The following CELF2 variants were observed in gnomAD, a reference collection of about 807,000 sequenced individuals.
CELF2 encodes the protein CUGBP Elav-like family member 2, also known as CUG triplet repeat RNA-binding protein 2.
Under a neutral mutation model 62.6 loss-of-function variants are expected in CELF2, and 8 were observed. The observed-to-expected ratio is 0.13, with a 90% CI of 0.07 to 0.23. The LOEUF (loss-of-function observed/expected upper bound fraction) is 0.23. Among genes scored for constraint, CELF2 ranks in the 10% least tolerant of loss-of-function variants. The pLI is 1.00. For missense variants in CELF2, 333 were observed against 671.0 expected (o/e 0.50, Z 5.56); for synonymous variants, 258 against 250.0 (o/e 1.03, Z -0.30).
Position 11,321,533 on chromosome 10 carries a change from A to C in CELF2, c.1294+147A>C. ...TTATTCATGTTTAAAAAAAAAAAAA[A>C]CTGAAAGCTGGGCATGGTGGCATAC... On this transcript the variant is annotated intron_variant, in intron 11 of 12. Coordinates refer to ENST00000633077, the MANE Select transcript of CELF2 (RefSeq NM_001326342.2). The surrounding 1 kb of genome is among the most constrained non-coding windows in gnomAD (Gnocchi z 6.2). The C allele has an allele frequency of 1.6e-6, 1 of 618,850 alleles. No homozygotes were observed. Among genetic ancestry groups the C allele is most frequent in the Non-Finnish European group, 2.7e-6 (1 of 368,922 alleles). The allele number at this position is 618,850 out of a possible 1,614,324, so 38.3% of individuals were successfully genotyped here.
intron 2 of CELF2, among the ~76,000 whole-genome samples, chr10:10,985,578 T>C (rs1488399395): frequency 6.6e-6 from 1 of 152,222 alleles, no homozygotes; most frequent in Non-Finnish European, 1.5e-5. Flanking sequence ...AGTTTCCTTT[T>C]GTTGAAGATT....
chr10:10,812,281 A>G (rs1469282592), intron 1 of CELF2, among the ~76,000 whole-genome samples: 2 of 152,184 alleles, frequency 1.3e-5, no homozygotes, highest in Admixed American at 6.5e-5. Context: ...AAACCATCAG[A>G]TCTTGTGAGA....
At position 11,046,558 on chromosome 10, in the gene CELF2, T is replaced by G. The variant is rs2062882560; in HGVS notation, c.74+28395T>G. 6.6e-6 allele frequency among the ~76,000 whole-genome samples: 1 copy of G among 152,218 alleles called. No homozygotes were observed. The highest frequency in any genetic ancestry group is 1.5e-5 in the Non-Finnish European group (1 of 68,026). On this transcript the variant is annotated intron_variant, in intron 1 of 12. Transcript: ENST00000633077. This position sits in a 1 kb window ranked among gnomAD's most constrained non-coding sequence, Gnocchi z 4.6. ...TTATGTCTTGGGCATGTGGGCTCAGTGCTAATTTTCATGGCTTCTGTGGTC... is the reference window on the plus strand; with the variant it reads ...TTATGTCTTGGGCATGTGGGCTCAGGGCTAATTTTCATGGCTTCTGTGGTC...
At chr10:10,856,483 T>G (rs2059716940) in intron 1 of CELF2, among the ~76,000 whole-genome samples, 1 of 152,214 alleles carries the variant, frequency 6.6e-6, no homozygotes. Context: ...GCATTTTGGC[T>G]AAAGGTAAGG....
At chr10:11,018,487 A>G (rs2057705714) in intron 1 of CELF2, among the ~76,000 whole-genome samples, 1 of 145,028 alleles carries the variant, frequency 6.9e-6, no homozygotes, top group African/African-American at 2.6e-5. Flanking sequence ...TGAGTGGGGG[A>G]CGGGCGGGGT....
chr10:10,801,792 C>G (rs1201684747), intron 1 of CELF2, among the ~76,000 whole-genome samples: 1 of 152,204 alleles, frequency 6.6e-6, no homozygotes, highest in Non-Finnish European at 1.5e-5. Flanking sequence ...AAAAAGTCAT[C>G]AAAAGGCACA....
chr10:10,658,054 A>G, the CELF2 span, among the ~76,000 whole-genome samples: 1 of 152,236 alleles, frequency 6.6e-6, no homozygotes, highest in Admixed American at 6.5e-5. Context: ...AGTAGCAAAC[A>G]TAATTCCACA....
At chr10:10,633,251 G>C in the CELF2 span, among the ~76,000 whole-genome samples, 6 of 152,228 alleles carry the variant, frequency 3.9e-5, no homozygotes, top group East Asian at 1.2e-3. Context: ...TTTAAACATG[G>C]ACATTGCCAG....
chr10:10,470,803 A>G, the CELF2 span, among the ~76,000 whole-genome samples: 1 of 150,900 alleles, frequency 6.6e-6, no homozygotes, highest in East Asian at 1.9e-4. Context: ...CTAGTATTGC[A>G]TATTTAAAGA....
the CELF2 span, among the ~76,000 whole-genome samples, chr10:10,723,500 T>C: frequency 6.6e-6 from 1 of 152,252 alleles, no homozygotes; most frequent in South Asian, 2.1e-4. Flanking sequence ...TGAGAGGTTC[T>C]TCCAGAAATT....
At chr10:10,792,967 G>T in the CELF2 span, among the ~76,000 whole-genome samples, 1 of 152,118 alleles carries the variant, frequency 6.6e-6, no homozygotes, top group African/African-American at 2.4e-5. Flanking sequence ...TTACCCTCCT[G>T]TTCAGCTGAC....
At chr10:11,095,297 A>T (rs2049497138) in intron 1 of CELF2, among the ~76,000 whole-genome samples, 1 of 152,204 alleles carries the variant, frequency 6.6e-6, no homozygotes. Context: ...CTTCATTAGA[A>T]TGAGCATCCT....
intron 1 of CELF2, among the ~76,000 whole-genome samples, chr10:11,099,885 A>AAC (rs1491315967): frequency 0.018 from 1,504 of 83,468 alleles, 13 homozygotes; most frequent in African/African-American, 0.095. Context: ...CAACAACAAC[A>AAC]AAAAAAAAAA....
At chr10:10,471,515 T>G in the CELF2 span, among the ~76,000 whole-genome samples, 1 of 151,736 alleles carries the variant, frequency 6.6e-6, no homozygotes, top group African/African-American at 2.4e-5. Flanking sequence ...TAGAATATTG[T>G]AGATTACAAT....
chr10:11,141,761 G>A (rs1010825053), intron 1 of CELF2, among the ~76,000 whole-genome samples: 20 of 152,180 alleles, frequency 1.3e-4, no homozygotes, highest in African/African-American at 4.8e-4. Flanking sequence ...TGTTAGACCT[G>A]GTTCCTGCCC....
the CELF2 span, among the ~76,000 whole-genome samples, chr10:10,557,668 A>G: frequency 6.6e-6 from 1 of 151,806 alleles, no homozygotes; most frequent in African/African-American, 2.4e-5. Flanking sequence ...GCCCATGAGC[A>G]TGGAATGTTC....
In CELF2 at chr10:11,017,928, G is replaced by T. The variant is rs1316402467; in HGVS notation, c.-162G>T. On this transcript the variant is annotated 5_prime_UTR_variant, in exon 1 of 13. Coordinates refer to ENST00000633077, the MANE Select transcript of CELF2 (RefSeq NM_001326342.2). This position sits in a 1 kb window ranked among gnomAD's most constrained non-coding sequence, Gnocchi z 5.5. ...CCGGCCGCCCCGGCGCTGGATTTCG[G>T]AGGGGATTGGCGGAGCGCGAGGAGA... 27 of 983,496 alleles carry T rather than the reference G, an allele frequency of 2.7e-5. No homozygotes were observed. Among genetic ancestry groups the T allele is most frequent in the Non-Finnish European group, 2.9e-5 (24 of 830,172 alleles). 60.9% of individuals were successfully genotyped at this position (983,496 alleles called of 1,614,324 possible).
the CELF2 span, among the ~76,000 whole-genome samples, chr10:10,664,461 G>C: frequency 6.6e-6 from 1 of 152,130 alleles, no homozygotes; most frequent in African/African-American, 2.4e-5. Context: ...GACACCCTTG[G>C]ATATTTGAAA....
chr10:10,779,100 C>G, the CELF2 span, among the ~76,000 whole-genome samples: 1 of 152,226 alleles, frequency 6.6e-6, no homozygotes, highest in East Asian at 1.9e-4. Flanking sequence ...TTTCCCCATT[C>G]ACCCTTTCCC....
Sources: gnomAD v4.1 joint callset for allele counts (sites outside exome capture counted in the v4.1 genomes callset) on GRCh38, gnomAD v4.1.1 for gene constraint, Gnocchi (gnomAD v3.1) non-coding constraint, MANE v1.5 for transcripts, NCBI Gene and HGNC (gene_info 2026-07-23, HGNC 2026-07-21) for gene names.